Variants in SLC25A20 observed in about 807,000 individuals in gnomAD.
SLC25A20 encodes mitochondrial carnitine/acylcarnitine carrier protein.
A neutral mutation model predicts 39.7 loss-of-function variants in SLC25A20; 29 were observed. The observed-to-expected ratio is 0.73, with a 90% CI of 0.54 to 1.00. The LOEUF is 1.00. SLC25A20 is among the 50% of genes least tolerant of loss of function. The pLI, the probability that SLC25A20 is intolerant of heterozygous loss-of-function variation, is 0.00. For synonymous variants in SLC25A20, 103 were observed against 142.2 expected, an observed-to-expected ratio of 0.72 and a Z score of 1.96; for missense variants, 333 against 379.9, an observed-to-expected ratio of 0.88 and a Z score of 1.03.
At chr3:48,898,571 T>C in intron 1 of SLC25A20, 119 bp downstream of exon 1, 1 of 949,772 alleles carries the variant, frequency 1.1e-6, no homozygotes, top group South Asian at 1.4e-5. Flanking sequence ...TTCCCTAGAC[T>C]TCTCACGGAA....
At chr3:48,896,006 G>C (rs1400643282) in intron 1 of SLC25A20, among the ~76,000 whole-genome samples, 5 of 151,814 alleles carry the variant, frequency 3.3e-5, no homozygotes, top group African/African-American at 1.2e-4. Context: ...CAGGCATGGT[G>C]GTGGGCACCT....
At chr3:48,883,293 C>G in intron 3 of SLC25A20, among the ~76,000 whole-genome samples, 1 of 152,048 alleles carries the variant, frequency 6.6e-6, no homozygotes, top group Non-Finnish European at 1.5e-5. Context: ...TGGCACACGC[C>G]TGAAATCCCA....
chr3:48,858,754 G>T, intron 7 of SLC25A20, 123 bp from the exon 8 acceptor site: 1 of 1,190,232 alleles, frequency 8.4e-7, no homozygotes, highest in Non-Finnish European at 1.2e-6. Context: ...CCAGTCCATA[G>T]ACAACAGTTC....
Position 48,857,650 on chromosome 3 carries a change from ACTC to A in SLC25A20, c.*57_*59del. The A allele has an allele frequency of 6.7e-7, 1 of 1,502,750 alleles. No homozygotes were observed. The highest frequency in any genetic ancestry group is 9.2e-7 in the Non-Finnish European group (1 of 1,083,358). 93.1% of individuals were successfully genotyped at this position (1,502,750 alleles called of 1,614,324 possible). On this transcript the variant is annotated 3_prime_UTR_variant, in exon 9 of 9. Coordinates refer to ENST00000319017, the MANE Select transcript of SLC25A20 (RefSeq NM_000387.6). ...CCAAGACTGCTTAGTTCTGCTTACT[ACTC>A]CTTCTCCTCAACGACAGCTTCCAGC...
At position 48,879,442 on chromosome 3, in the gene SLC25A20, G is replaced by T. The variant is rs758938664; in HGVS notation, c.333C>A (p.Pro111=). 6.2e-7 allele frequency: 1 copy of T among 1,613,396 alleles called. No individual in the cohort carries two copies. ...QKHPEDVLSY[P]QLFAAGMLSG... ...ATAACATCCCAGCTGCAAAAAGCTG[G>T]GGATAGCTGCATTGAAAACAAAAAG... The change falls in exon 4 of 9, where the codon CCC becomes CCA. Residue 111 remains proline, a synonymous_variant. Transcript: ENST00000319017.
At chr3:48,886,146 G>C (rs964545230) in intron 2 of SLC25A20, among the ~76,000 whole-genome samples, 2 of 152,174 alleles carry the variant, frequency 1.3e-5, no homozygotes, top group African/African-American at 4.8e-5. Flanking sequence ...GGGCAGGGCA[G>C]AAGGAGGGGA....
chr3:48,894,158 C>CAAAA (rs1264070423), intron 1 of SLC25A20, among the ~76,000 whole-genome samples: 1 of 65,152 alleles, frequency 1.5e-5, no homozygotes, highest in South Asian at 5.7e-4. Context: ...GACTCCTTCT[C>CAAAA]AAAAAAAAAA....
intron 1 of SLC25A20, among the ~76,000 whole-genome samples, chr3:48,896,994 A>C (rs956511509): frequency 7.9e-5 from 12 of 151,676 alleles, no homozygotes; most frequent in African/African-American, 2.9e-4. Context: ...CCCACTCTGA[A>C]GCGCTGCAGC....
intron 3 of SLC25A20, among the ~76,000 whole-genome samples, chr3:48,883,492 A>G (rs947195991): frequency 1.3e-5 from 2 of 149,924 alleles, no homozygotes; most frequent in African/African-American, 4.9e-5. Context: ...CGGAGGTTGC[A>G]GTGAGCCGAG....
At chr3:48,884,366 T>C (rs2083816655) in intron 2 of SLC25A20, among the ~76,000 whole-genome samples, 1 of 152,116 alleles carries the variant, frequency 6.6e-6, no homozygotes, top group Admixed American at 6.5e-5. Context: ...GGCTTTTTTT[T>C]TCAGACAGGG....
In SLC25A20 at chr3:48,881,734, C is replaced by CG. The variant is rs565125380; in HGVS notation, c.326+2262dup. Among the ~76,000 whole-genome samples, 695 of 152,186 alleles carry CG rather than the reference C, an allele frequency of 4.6e-3. 4 individuals carry two copies. Among genetic ancestry groups the CG allele is most frequent in the Non-Finnish European group, 7.7e-3 (524 of 68,010 alleles). ...GTCCAAAGTACCAGAAGTGACCCCA[C>CG]GGGGGTCATGCATGGCCCTGATACA... is the stretch of plus-strand genomic sequence containing the variant. On this transcript the variant is annotated intron_variant, in intron 3 of 8. Transcript: ENST00000319017.
chr3:48,864,155 G>A (rs1328011177), intron 4 of SLC25A20, among the ~76,000 whole-genome samples: 1 of 151,698 alleles, frequency 6.6e-6, no homozygotes, highest in Non-Finnish European at 1.5e-5. Context: ...AGACCAGCCT[G>A]GCCAACATGG....
At chr3:48,894,502 A>G (rs916782659) in intron 1 of SLC25A20, among the ~76,000 whole-genome samples, 2 of 149,052 alleles carry the variant, frequency 1.3e-5, no homozygotes, top group South Asian at 4.2e-4. Flanking sequence ...CGAACTTCTG[A>G]CCTCAGGTGA....
At chr3:48,891,049 T>C (rs2106664851) in intron 2 of SLC25A20, among the ~76,000 whole-genome samples, 1 of 152,236 alleles carries the variant, frequency 6.6e-6, no homozygotes, top group South Asian at 2.1e-4. Context: ...CCGGCCCAGC[T>C]GTTTTCTCTT....
intron 4 of SLC25A20, among the ~76,000 whole-genome samples, chr3:48,866,356 C>A (rs2083668611): frequency 6.6e-6 from 1 of 151,868 alleles, no homozygotes; most frequent in Admixed American, 6.6e-5. Context: ...GAGTTCAAGA[C>A]CAGCCTGGCC....
chr3:48,881,111 T>C (rs893555298), intron 3 of SLC25A20, among the ~76,000 whole-genome samples: 1 of 152,102 alleles, frequency 6.6e-6, no homozygotes, highest in Non-Finnish European at 1.5e-5. Flanking sequence ...ACATCCACTG[T>C]AAAGAGTTCA....
chr3:48,889,944 C>T (rs1480196098), intron 2 of SLC25A20, among the ~76,000 whole-genome samples: 6 of 152,280 alleles, frequency 3.9e-5, no homozygotes, highest in East Asian at 1.9e-4. Context: ...CTGTCACGCC[C>T]GCATAAGGGC....
chr3:48,879,495 C>G, intron 3 of SLC25A20, 47 bp from the exon 4 acceptor site: 1 of 1,316,454 alleles, frequency 7.6e-7, no homozygotes, highest in Non-Finnish European at 1.1e-6. Flanking sequence ...GACTAACCAC[C>G]GAGGACAGAG....
intron 8 of SLC25A20, 89 bp from the exon 9 acceptor site, chr3:48,857,861 G>A: frequency 8.3e-7 from 1 of 1,210,776 alleles, no homozygotes; most frequent in Non-Finnish European, 1.2e-6. Flanking sequence ...GCCCTGTCAG[G>A]ACCAGAGCCC....
Sources: allele counts gnomAD v4.1 joint callset (sites outside exome capture counted in the v4.1 genomes callset), GRCh38; gene constraint gnomAD v4.1.1; transcripts MANE v1.5; gene names NCBI Gene and HGNC (gene_info 2026-07-23, HGNC 2026-07-21).